Variants in AUH observed in about 807,000 individuals in gnomAD.
The protein encoded by AUH is AU RNA binding methylglutaconyl-CoA hydratase.
In AUH, 29 loss-of-function variants were observed where a neutral mutation model predicts 42.3. The observed-to-expected ratio is 0.69, with a 90% confidence interval of 0.51 to 0.93. The LOEUF is 0.93. Among genes scored for constraint, AUH ranks in the 40% least tolerant of loss-of-function variants. The probability of loss-of-function intolerance (pLI) is 0.00; values close to 1 mark genes in which losing one functional copy is unlikely to be tolerated. For missense variants in AUH, 452 were observed against 438.1 expected (o/e 1.03, Z -0.28); for synonymous variants, 174 against 166.4 (o/e 1.05, Z -0.35).
chr9:91,298,359 A>G (rs1398122428), intron 4 of AUH, among the ~76,000 whole-genome samples: 2 of 152,232 alleles, frequency 1.3e-5, no homozygotes, highest in African/African-American at 2.4e-5. Context: ...TAACAGAATC[A>G]CAGTTCTACG....
At chr9:91,251,085 C>T (rs1298634328) in intron 6 of AUH, among the ~76,000 whole-genome samples, 1 of 152,196 alleles carries the variant, frequency 6.6e-6, no homozygotes, top group African/African-American at 2.4e-5. Flanking sequence ...GGGTTACCGA[C>T]GTACCACAAA....
At chr9:91,285,175 C>G (rs576196828) in intron 6 of AUH, among the ~76,000 whole-genome samples, 41 of 152,172 alleles carry the variant, frequency 2.7e-4, no homozygotes, top group African/African-American at 9.2e-4. Context: ...ATGGATGAAG[C>G]TGGAAATCAT....
chr9:91,313,894 GCT>G (rs1484258728), intron 4 of AUH, among the ~76,000 whole-genome samples: 1 of 150,208 alleles, frequency 6.7e-6, no homozygotes, highest in East Asian at 2.0e-4. Flanking sequence ...CACGATCTCG[GCT>G]CATTGCAACC....
chr9:91,305,132 T>C (rs928999907), intron 4 of AUH, among the ~76,000 whole-genome samples: 2 of 152,226 alleles, frequency 1.3e-5, no homozygotes, highest in African/African-American at 2.4e-5. Flanking sequence ...ATAAATCAGA[T>C]GACTTCCTTA....
chr9:91,289,001 A>G (rs1221621339), intron 6 of AUH, among the ~76,000 whole-genome samples: 1 of 152,180 alleles, frequency 6.6e-6, no homozygotes, highest in Non-Finnish European at 1.5e-5. Flanking sequence ...ACAAAACACT[A>G]TTTTTTGACA....
intron 6 of AUH, among the ~76,000 whole-genome samples, chr9:91,287,103 T>C (rs998448133): frequency 6.6e-5 from 10 of 151,594 alleles, no homozygotes; most frequent in African/African-American, 1.2e-4. Context: ...TTAAAAAAAA[T>C]GGGTAAGTAT....
chr9:91,321,736 GA>G (rs532376766), intron 4 of AUH, among the ~76,000 whole-genome samples: 6 of 152,090 alleles, frequency 3.9e-5, no homozygotes, highest in African/African-American at 1.4e-4. Flanking sequence ...AATGCCTGGG[GA>G]AAAAAATCAA....
chr9:91,314,299 G>A (rs1188661145), intron 4 of AUH, among the ~76,000 whole-genome samples: 1 of 151,954 alleles, frequency 6.6e-6, no homozygotes, highest in Non-Finnish European at 1.5e-5. Flanking sequence ...GAGTCAAGGA[G>A]TTCGAAACCA....
At chr9:91,305,918 C>T (rs902466971) in intron 4 of AUH, among the ~76,000 whole-genome samples, 1 of 152,182 alleles carries the variant, frequency 6.6e-6, no homozygotes, top group African/African-American at 2.4e-5. Context: ...CCATCCTTCC[C>T]CTAAGGACTT....
chr9:91,301,258 C>T (rs149875199), intron 4 of AUH, among the ~76,000 whole-genome samples: 85 of 152,238 alleles, frequency 5.6e-4, no homozygotes, highest in African/African-American at 1.8e-3. Flanking sequence ...TGCTGGAGGC[C>T]GTGATATTAT....
At chr9:91,252,097 G>A (rs1395218781) in intron 6 of AUH, among the ~76,000 whole-genome samples, 12 of 152,038 alleles carry the variant, frequency 7.9e-5, no homozygotes, top group Non-Finnish European at 1.8e-4. Context: ...CTCCTCAGTA[G>A]CTGGGACTAC....
At chr9:91,283,477 G>A (rs1438885537) in intron 6 of AUH, among the ~76,000 whole-genome samples, 1 of 152,122 alleles carries the variant, frequency 6.6e-6, no homozygotes, top group Non-Finnish European at 1.5e-5. Flanking sequence ...TCAGGCAGGA[G>A]AAAGAAATAA....
chr9:91,347,929 C>T (rs567457930), intron 3 of AUH, among the ~76,000 whole-genome samples: 7 of 151,244 alleles, frequency 4.6e-5, no homozygotes, highest in African/African-American at 1.4e-4. Flanking sequence ...AAAAAAGAAA[C>T]AATATGTAAA....
At chr9:91,280,230 TTAA>T (rs1265642249) in intron 6 of AUH, among the ~76,000 whole-genome samples, 2 of 152,226 alleles carry the variant, frequency 1.3e-5, no homozygotes, top group East Asian at 3.8e-4. Flanking sequence ...CATATTCTAT[TTAA>T]TGACTCTGAG....
At chr9:91,241,684 C>T (rs1260874830) in intron 6 of AUH, among the ~76,000 whole-genome samples, 1 of 152,120 alleles carries the variant, frequency 6.6e-6, no homozygotes, top group African/African-American at 2.4e-5. Context: ...GTTTACCTTA[C>T]TAGACAAATC....
At chr9:91,242,106 C>T (rs1485196185) in intron 6 of AUH, among the ~76,000 whole-genome samples, 1 of 152,226 alleles carries the variant, frequency 6.6e-6, no homozygotes, top group Non-Finnish European at 1.5e-5. Flanking sequence ...ACATAAGCTA[C>T]ATTGCAGGGC....
At chr9:91,280,262 AC>A (rs1825860647) in intron 6 of AUH, among the ~76,000 whole-genome samples, 1 of 152,234 alleles carries the variant, frequency 6.6e-6, no homozygotes, top group Non-Finnish European at 1.5e-5. Context: ...AGGTCTTTCA[AC>A]ATCTGCTTTC....
intron 6 of AUH, among the ~76,000 whole-genome samples, chr9:91,242,507 G>C (rs150994925): frequency 1.3e-5 from 2 of 152,200 alleles, no homozygotes; most frequent in African/African-American, 4.8e-5. Flanking sequence ...GAAAAGTGTG[G>C]AGAGAATACT....
At chr9:91,254,207 T>C (rs1189663016) in intron 6 of AUH, among the ~76,000 whole-genome samples, 1 of 152,190 alleles carries the variant, frequency 6.6e-6, no homozygotes, top group South Asian at 2.1e-4. Flanking sequence ...ACTGGTTGAC[T>C]TGAATTTCCC....
Sources: gnomAD v4.1 joint callset for allele counts (sites outside exome capture counted in the v4.1 genomes callset) on GRCh38, gnomAD v4.1.1 for gene constraint, MANE v1.5 for transcripts, NCBI Gene and HGNC (gene_info 2026-07-23, HGNC 2026-07-21) for gene names.